FHIT: variants seen among roughly 807,000 people sequenced by gnomAD.
FHIT encodes fragile histidine triad diadenosine triphosphatase, also known as bis(5'-adenosyl)-triphosphatase.
Under a neutral mutation model 17.9 loss-of-function variants are expected in FHIT, and 19 were observed. That is an observed-to-expected ratio of 1.06 (90% CI 0.74 to 1.56). The LOEUF (loss-of-function observed/expected upper bound fraction) is 1.56, where lower values mean the gene tolerates loss of function less well. Ranked by LOEUF, FHIT falls within the 40% of genes most tolerant of loss-of-function variation. The probability of loss-of-function intolerance (pLI) is 0.00; values close to 1 mark genes in which losing one functional copy is unlikely to be tolerated. For missense variants in FHIT, 248 were observed against 189.2 expected, an observed-to-expected ratio of 1.31 and a Z score of -1.82; for synonymous variants, 81 against 69.7, an observed-to-expected ratio of 1.16 and a Z score of -0.81.
intron 8 of FHIT, among the ~76,000 whole-genome samples, chr3:59,887,450 C>T (rs1216719217): frequency 6.6e-6 from 1 of 152,116 alleles, no homozygotes; most frequent in Non-Finnish European, 1.5e-5. Context: ...AGTGCAAATA[C>T]AGCCCCCTCT....
At chr3:60,708,842 G>T (rs112175317) in intron 4 of FHIT, among the ~76,000 whole-genome samples, 2,381 of 152,242 alleles carry the variant, frequency 0.016, 66 homozygotes, top group African/African-American at 0.053. Flanking sequence ...TGAAGTTCAA[G>T]CTGAACTTTT....
chr3:59,859,340 G>A (rs1389729967), intron 8 of FHIT, among the ~76,000 whole-genome samples: 1 of 152,130 alleles, frequency 6.6e-6, no homozygotes, highest in African/African-American at 2.4e-5. Context: ...AGAAACAGTG[G>A]AAGCTCCAGA....
At chr3:60,888,918 C>T (rs1705361666) in intron 3 of FHIT, among the ~76,000 whole-genome samples, 1 of 152,194 alleles carries the variant, frequency 6.6e-6, no homozygotes, top group Non-Finnish European at 1.5e-5. Flanking sequence ...CCTCAGATTT[C>T]ACCATGTTAG....
chr3:60,599,673 A>G (rs1326668497), intron 4 of FHIT, among the ~76,000 whole-genome samples: 1 of 113,604 alleles, frequency 8.8e-6, no homozygotes, highest in Non-Finnish European at 1.8e-5. Flanking sequence ...AAAATGCTAA[A>G]AAGGACAAGT....
At chr3:60,541,376 A>G (rs367994418) in intron 4 of FHIT, among the ~76,000 whole-genome samples, 52 of 152,342 alleles carry the variant, frequency 3.4e-4, no homozygotes, top group African/African-American at 1.3e-3. Context: ...TACAAACAGC[A>G]TTGATTCAAG....
chr3:60,272,097 G>A (rs571154497), intron 5 of FHIT, among the ~76,000 whole-genome samples: 16 of 152,170 alleles, frequency 1.1e-4, no homozygotes, highest in Non-Finnish European at 1.9e-4. Context: ...ACTGCCTCCC[G>A]TATTCTAGTC....
intron 7 of FHIT, among the ~76,000 whole-genome samples, chr3:59,959,924 T>C (rs967092372): frequency 1.3e-5 from 2 of 151,856 alleles, no homozygotes; most frequent in Non-Finnish European, 2.9e-5. Context: ...AGAGAACTAA[T>C]AAGGAGATAA....
At chr3:59,957,861 C>T (rs939831083) in intron 7 of FHIT, among the ~76,000 whole-genome samples, 1 of 152,172 alleles carries the variant, frequency 6.6e-6, no homozygotes, top group African/African-American at 2.4e-5. Context: ...CTAGACATTT[C>T]CATACTCAGT....
chr3:60,283,214 G>A (rs567634250), intron 5 of FHIT, among the ~76,000 whole-genome samples: 120 of 151,978 alleles, frequency 7.9e-4, no homozygotes, highest in African/African-American at 2.7e-3. Context: ...TTAGGAGAGC[G>A]AAAAACAGGG....
At chr3:60,327,247 C>A (rs1233457058) in intron 5 of FHIT, among the ~76,000 whole-genome samples, 1 of 152,182 alleles carries the variant, frequency 6.6e-6, no homozygotes, top group African/African-American at 2.4e-5. Flanking sequence ...TTGTTTTGTT[C>A]ACTGCTGTGT....
At chr3:60,811,965 A>G (rs1387088326) in intron 4 of FHIT, among the ~76,000 whole-genome samples, 1 of 152,182 alleles carries the variant, frequency 6.6e-6, no homozygotes, top group Non-Finnish European at 1.5e-5. Flanking sequence ...ACTAATTACA[A>G]GTAAAACACA....
chr3:60,142,918 T>G (rs1352986365), intron 5 of FHIT, among the ~76,000 whole-genome samples: 1 of 152,078 alleles, frequency 6.6e-6, no homozygotes, highest in Non-Finnish European at 1.5e-5. Context: ...AAGAATAGGT[T>G]AAGTAAACAA....
chr3:59,753,638 ATTTAATAGCACCAATGATAGCTAGCAT>A (rs772408749), intron 8 of FHIT, among the ~76,000 whole-genome samples: 79 of 152,224 alleles, frequency 5.2e-4, no homozygotes, highest in Non-Finnish European at 9.8e-4. Flanking sequence ...GATTGAGACA[ATTTAATAGCACCAATGATAGCTAGCAT>A]TTATGATGTG....
chr3:60,917,873 A>C (rs1707086745), intron 3 of FHIT, among the ~76,000 whole-genome samples: 1 of 152,228 alleles, frequency 6.6e-6, no homozygotes, highest in African/African-American at 2.4e-5. Context: ...GATGAGAAGA[A>C]GCAAAGATAA....
At chr3:61,234,575 G>GA (rs1560100575) in intron 1 of FHIT, among the ~76,000 whole-genome samples, 1 of 151,988 alleles carries the variant, frequency 6.6e-6, no homozygotes, top group Non-Finnish European at 1.5e-5. Flanking sequence ...AAAAACAATG[G>GA]AAAAAAAGCC....
chr3:60,124,990 A>AAATG (rs1302836488), intron 5 of FHIT, among the ~76,000 whole-genome samples: 1 of 152,232 alleles, frequency 6.6e-6, no homozygotes, highest in African/African-American at 2.4e-5. Flanking sequence ...GTAAGTTCCC[A>AAATG]AATGCTTCTC....
intron 5 of FHIT, among the ~76,000 whole-genome samples, chr3:60,186,778 C>T (rs1342284306): frequency 6.6e-6 from 1 of 151,504 alleles, no homozygotes; most frequent in Non-Finnish European, 1.5e-5. Flanking sequence ...AAGTGCCATG[C>T]CCGCAAACTT....
At chr3:59,950,890 A>G (rs1002242752) in intron 7 of FHIT, among the ~76,000 whole-genome samples, 3 of 152,248 alleles carry the variant, frequency 2.0e-5, no homozygotes, top group Non-Finnish European at 4.4e-5. Flanking sequence ...GACAAGAGTC[A>G]CTAGTGGTGA....
intron 3 of FHIT, among the ~76,000 whole-genome samples, chr3:60,915,697 A>C (rs1401911398): frequency 1.3e-5 from 2 of 152,210 alleles, no homozygotes; most frequent in African/African-American, 4.8e-5. Flanking sequence ...GTGTTCTAAA[A>C]GAAACTTTTA....
Sources: gnomAD v4.1 joint callset for allele counts (sites outside exome capture counted in the v4.1 genomes callset) on GRCh38, gnomAD v4.1.1 for gene constraint, MANE v1.5 for transcripts, NCBI Gene and HGNC (gene_info 2026-07-23, HGNC 2026-07-21) for gene names.